Variants in ALDH1L2 observed in about 807,000 individuals in gnomAD.
The protein encoded by ALDH1L2 is aldehyde dehydrogenase 1 family member L2.
Under a neutral mutation model 111.0 loss-of-function variants are expected in ALDH1L2, and 91 were observed. That is an observed-to-expected ratio of 0.82 (90% CI 0.69 to 0.98). The LOEUF is 0.98. Ranked by LOEUF, ALDH1L2 falls within the 50% of genes least tolerant of loss-of-function variation. The pLI is 0.00. For synonymous variants in ALDH1L2, 374 were observed against 392.6 expected (o/e 0.95, Z 0.56); for missense variants, 995 against 1,126.8 (o/e 0.88, Z 1.67).
chr12:105,054,524 C>G (rs1876492086), intron 10 of ALDH1L2, among the ~76,000 whole-genome samples: 1 of 152,154 alleles, frequency 6.6e-6, no homozygotes, highest in South Asian at 2.1e-4. Flanking sequence ...CCTTGAAAAG[C>G]CAACTTCATT....
At chr12:105,032,547 G>A (rs1042872142) in intron 19 of ALDH1L2, among the ~76,000 whole-genome samples, 7 of 152,052 alleles carry the variant, frequency 4.6e-5, no homozygotes, top group African/African-American at 7.2e-5. Flanking sequence ...CTGCAACCTC[G>A]AACTTCTAAG....
intron 1 of ALDH1L2, among the ~76,000 whole-genome samples, chr12:105,076,239 T>C (rs1292289923): frequency 6.6e-6 from 1 of 152,190 alleles, no homozygotes; most frequent in African/African-American, 2.4e-5. Context: ...CAGAAGTACA[T>C]GGAAGTCTGA....
intron 11 of ALDH1L2, 116 bp from the exon 12 acceptor site, chr12:105,052,333 T>A: frequency 9.0e-7 from 1 of 1,114,874 alleles, no homozygotes; most frequent in East Asian, 3.0e-5. Flanking sequence ...AAAGTTATGA[T>A]AAGAAATGAG....
chr12:105,064,792 C>T (rs1172495584), intron 6 of ALDH1L2, among the ~76,000 whole-genome samples: 2 of 152,154 alleles, frequency 1.3e-5, no homozygotes, highest in African/African-American at 2.4e-5. Flanking sequence ...GCCCTGCCCG[C>T]CTCTCCCGCC....
At chr12:105,044,338 A>T (rs1484860054) in intron 15 of ALDH1L2, among the ~76,000 whole-genome samples, 2 of 151,854 alleles carry the variant, frequency 1.3e-5, no homozygotes, top group Non-Finnish European at 2.9e-5. Flanking sequence ...TGTGCCTTGG[A>T]AAAACGTGAC....
chr12:105,065,210 C>A, intron 6 of ALDH1L2, 57 bp downstream of exon 6: 1 of 1,252,802 alleles, frequency 8.0e-7, no homozygotes, highest in East Asian at 2.6e-5. Context: ...TCTGTAATAT[C>A]TCTTACAAAG....
intron 21 of ALDH1L2, among the ~76,000 whole-genome samples, chr12:105,027,042 A>T (rs907256046): frequency 1.2e-4 from 19 of 152,122 alleles, no homozygotes; most frequent in African/African-American, 3.4e-4. Context: ...GCTAATTTTT[A>T]AAAAAATTTT....
intron 6 of ALDH1L2, among the ~76,000 whole-genome samples, chr12:105,063,345 G>A (rs1244309457): frequency 2.0e-5 from 3 of 151,988 alleles, no homozygotes; most frequent in South Asian, 2.1e-4. Context: ...GCATAGTGGC[G>A]GGCACCTGTA....
chr12:105,079,184 A>G (rs1878217639), intron 1 of ALDH1L2, among the ~76,000 whole-genome samples: 1 of 152,166 alleles, frequency 6.6e-6, no homozygotes, highest in Admixed American at 6.5e-5. Flanking sequence ...CTAGCAATCC[A>G]CCTGTAGCAT....
chr12:105,066,570 C>T lies in ALDH1L2; in HGVS notation c.694G>A (p.Glu232Lys), dbSNP rs1877365747. The change falls in exon 5 of 23, where the codon GAG becomes AAG. Residue 232 changes from glutamate to lysine, a missense_variant and splice_region_variant. Transcript: ENST00000258494. ...YEGIQKKENA[E>K]ISWDQSAEVL... ...TTATTGAGTTGATATATAAATACCT[C>T]AGCATTTTCCTTTTTCTGGATACCT... The T allele has an allele frequency of 6.2e-7, 1 of 1,613,370 alleles. No individual in the cohort carries two copies. Among genetic ancestry groups the T allele is most frequent in the Non-Finnish European group, 8.5e-7 (1 of 1,179,368 alleles).
At chr12:105,074,457 CCAAAAAAAAAAA>C (rs1215524437) in intron 1 of ALDH1L2, among the ~76,000 whole-genome samples, 2 of 93,710 alleles carry the variant, frequency 2.1e-5, no homozygotes, top group South Asian at 3.1e-4. Context: ...GACTCTGTCT[CCAAAAAAAAAAA>C]AAAAAAAAAA....
chr12:105,079,536 G>A (rs1261023652), intron 1 of ALDH1L2, among the ~76,000 whole-genome samples: 2 of 152,146 alleles, frequency 1.3e-5, no homozygotes, highest in African/African-American at 4.8e-5. Flanking sequence ...CTCCTGGGCC[G>A]AGGCTGGTGA....
intron 1 of ALDH1L2, among the ~76,000 whole-genome samples, chr12:105,075,520 G>T (rs1469221878): frequency 6.6e-6 from 1 of 152,202 alleles, no homozygotes; most frequent in Non-Finnish European, 1.5e-5. Flanking sequence ...GGGAGATAGA[G>T]GTTGCAGTGA....
intron 15 of ALDH1L2, among the ~76,000 whole-genome samples, chr12:105,046,369 CT>C (rs1427100224): frequency 2.0e-5 from 3 of 149,636 alleles, no homozygotes; most frequent in South Asian, 2.1e-4. Context: ...CTGCATAATA[CT>C]TTTTTTGATG....
intron 1 of ALDH1L2, among the ~76,000 whole-genome samples, chr12:105,074,560 T>C (rs1241850937): frequency 1.3e-5 from 2 of 151,012 alleles, no homozygotes; most frequent in East Asian, 3.9e-4. Context: ...TGGCAGTGCC[T>C]CCGCAGAACT....
chr12:105,022,239 T>C lies in ALDH1L2; in HGVS notation c.*2185A>G, dbSNP rs1047295916. On this transcript the variant is annotated 3_prime_UTR_variant, in exon 23 of 23. Coordinates refer to ENST00000258494, the MANE Select transcript of ALDH1L2 (RefSeq NM_001034173.4). ...CTGGTAAGAAATGTTTAAAACTTGC[T>C]ATGGAGAAAGGAGTTCTTAATCTGG... is the stretch of plus-strand genomic sequence containing the variant. The C allele has an allele frequency of 6.6e-6, 1 of 152,202 alleles. No individual in the cohort carries two copies. The highest frequency in any genetic ancestry group is 1.5e-5 in the Non-Finnish European group (1 of 68,048). 9.4% of individuals were successfully genotyped at this position (152,202 alleles called of 1,614,324 possible).
intron 6 of ALDH1L2, among the ~76,000 whole-genome samples, chr12:105,064,024 C>T (rs374203993): frequency 7.4e-4 from 101 of 136,536 alleles, no homozygotes; most frequent in African/African-American, 2.5e-3. Flanking sequence ...GGTGCAATCT[C>T]GCTGCAACCT....
At chr12:105,084,142 C>T (rs572889444) in intron 1 of ALDH1L2, among the ~76,000 whole-genome samples, 1 of 152,310 alleles carries the variant, frequency 6.6e-6, no homozygotes, top group Non-Finnish European at 1.5e-5. Flanking sequence ...AAAACTGCAT[C>T]CTCAGCCCCC....
At chr12:105,062,807 G>A (rs1877078260) in intron 7 of ALDH1L2, 81 bp downstream of exon 7, 19 of 1,514,352 alleles carry the variant, frequency 1.3e-5, no homozygotes, top group Non-Finnish European at 1.7e-5. Flanking sequence ...CAGCAATGGA[G>A]TGAAAGCTAT....
Sources: allele counts gnomAD v4.1 joint callset (sites outside exome capture counted in the v4.1 genomes callset), GRCh38; gene constraint gnomAD v4.1.1; transcripts MANE v1.5; gene names NCBI Gene and HGNC (gene_info 2026-07-23, HGNC 2026-07-21).